Variants in DLG2 observed in about 807,000 individuals in gnomAD.
DLG2 encodes discs large MAGUK scaffold protein 2, also known as disks large homolog 2.
In DLG2, 45 loss-of-function variants were observed where a neutral mutation model predicts 132.5. That is an observed-to-expected ratio of 0.34 (90% CI 0.27 to 0.44). The LOEUF is 0.44. Among genes scored for constraint, DLG2 ranks in the 20% least tolerant of loss-of-function variants. The pLI is 1.00. For missense variants in DLG2, 1,045 were observed against 1,196.9 expected (o/e 0.87, Z 1.87); for synonymous variants, 424 against 419.6 (o/e 1.01, Z -0.13).
intron 7 of DLG2, among the ~76,000 whole-genome samples, chr11:84,341,625 A>T (rs1188812903): frequency 6.6e-6 from 1 of 152,234 alleles, no homozygotes. Flanking sequence ...TCACTGCATA[A>T]CAAGACAATG....
In DLG2 at chr11:84,059,342, C is replaced by T. The variant is rs773631287; in HGVS notation, c.892G>A (p.Glu298Lys). The T allele has an allele frequency of 6.8e-6, 11 of 1,613,412 alleles. No homozygotes were observed. The African/African-American group carries it at 8.0e-5, about 12-fold the overall frequency. The change falls in exon 11 of 28, where the codon GAA (glutamate) becomes AAA (lysine). Residue 298 changes from glutamate (E) to lysine (K), a missense_variant. By Grantham distance (56) the Glu-to-Lys change is moderately conservative. Around this residue, in one of 4 missense-constraint regions of DLG2, gnomAD observed 109 missense variants for 159.1 expected, o/e 0.69. Transcript: ENST00000376104. ...RRRPILETVVEIKLFKGPKGL... is the reference protein window; with the variant it reads ...RRRPILETVVKIKLFKGPKGL... ...TTAGGGCCTTTGAACAGTTTGATTT[C>T]CACAACGGTCTCCAAAATAGGTCGT...
At chr11:84,762,045 C>T (rs2067701768) in intron 6 of DLG2, 1 of 151,934 alleles carries the variant, frequency 6.6e-6, no homozygotes, top group African/African-American at 2.4e-5. Flanking sequence ...TTGATCTAAA[C>T]ATAGCTGGGT....
At chr11:83,788,553 G>C (rs932364311) in intron 17 of DLG2, among the ~76,000 whole-genome samples, 14 of 152,312 alleles carry the variant, frequency 9.2e-5, no homozygotes, top group African/African-American at 3.4e-4. Flanking sequence ...ATTCTTGCTA[G>C]ATATAGTCAT....
intron 6 of DLG2, among the ~76,000 whole-genome samples, chr11:84,757,089 C>A (rs1209168984): frequency 6.6e-6 from 1 of 152,116 alleles, no homozygotes; most frequent in East Asian, 1.9e-4. Flanking sequence ...ATGGGCAAAT[C>A]TTTCTCTACT....
Position 83,532,701 on chromosome 11 carries a change from T to C in DLG2, c.2193+7A>G, listed in dbSNP as rs1396162691. On this transcript the variant is annotated splice_region_variant and intron_variant, in intron 21 of 27. Transcript: ENST00000376104. ...AGAACTTGATGTTTCCATCATTTTGTACCTACCCCTTTCGAATCAATCACT... is the reference window on the plus strand; with the variant it reads ...AGAACTTGATGTTTCCATCATTTTGCACCTACCCCTTTCGAATCAATCACT... 1.2e-6 allele frequency: 2 copies of C among 1,612,600 alleles called. No homozygotes were observed. Among genetic ancestry groups the C allele is most frequent in the South Asian group, 1.1e-5 (1 of 90,978 alleles).
At chr11:84,120,596 G>A (rs528507227) in intron 9 of DLG2, among the ~76,000 whole-genome samples, 1 of 152,152 alleles carries the variant, frequency 6.6e-6, no homozygotes, top group Non-Finnish European at 1.5e-5. Flanking sequence ...AAAGAGACTG[G>A]ATGACAGACA....
intron 3 of DLG2, among the ~76,000 whole-genome samples, chr11:85,467,026 A>G (rs1012242081): frequency 5.9e-5 from 9 of 152,152 alleles, no homozygotes; most frequent in African/African-American, 1.9e-4. Flanking sequence ...GGTCCTTCAA[A>G]TCCCTTGTAA....
chr11:84,266,089 C>T (rs1348081319), intron 7 of DLG2, among the ~76,000 whole-genome samples: 2 of 152,010 alleles, frequency 1.3e-5, no homozygotes, highest in Admixed American at 1.3e-4. Flanking sequence ...TATATCAGTG[C>T]TAATACTCCA....
intron 12 of DLG2, among the ~76,000 whole-genome samples, chr11:83,967,321 A>G (rs2090431843): frequency 6.6e-6 from 1 of 152,050 alleles, no homozygotes; most frequent in East Asian, 1.9e-4. Flanking sequence ...ACTGTTTTCC[A>G]TAATGGCTAC....
intron 6 of DLG2, among the ~76,000 whole-genome samples, chr11:84,897,193 T>C (rs2154068094): frequency 6.6e-6 from 1 of 151,998 alleles, no homozygotes; most frequent in Admixed American, 6.6e-5. Context: ...TGTCTGTTTC[T>C]GAACTTTATG....
chr11:85,278,211 A>G (rs1192240484), intron 4 of DLG2, among the ~76,000 whole-genome samples: 1 of 152,232 alleles, frequency 6.6e-6, no homozygotes, highest in Non-Finnish European at 1.5e-5. Flanking sequence ...TTTGATGAAG[A>G]CATTTAACTT....
intron 21 of DLG2, among the ~76,000 whole-genome samples, chr11:83,507,468 CCT>C (rs1491275764): frequency 8.8e-6 from 1 of 114,238 alleles, no homozygotes; most frequent in East Asian, 2.7e-4. Flanking sequence ...ATATATATAC[CCT>C]ATATATATAT....
At chr11:83,800,015 C>T (rs1239184491) in intron 17 of DLG2, among the ~76,000 whole-genome samples, 1 of 152,072 alleles carries the variant, frequency 6.6e-6, no homozygotes, top group Non-Finnish European at 1.5e-5. Context: ...TAGAACAGTG[C>T]CTGGCATCTA....
At chr11:83,494,817 G>T (rs1045892522) in intron 21 of DLG2, among the ~76,000 whole-genome samples, 1 of 151,994 alleles carries the variant, frequency 6.6e-6, no homozygotes, top group Non-Finnish European at 1.5e-5. Context: ...GAATTTTATT[G>T]CAAGGATACT....
At chr11:84,627,076 G>C (rs1220577589) in intron 6 of DLG2, among the ~76,000 whole-genome samples, 1 of 151,910 alleles carries the variant, frequency 6.6e-6, no homozygotes, top group Non-Finnish European at 1.5e-5. Context: ...TTGCCATGTT[G>C]GCCAGGCTGG....
At chr11:83,468,230 G>A (rs558618683) in intron 25 of DLG2, among the ~76,000 whole-genome samples, 1 of 152,272 alleles carries the variant, frequency 6.6e-6, no homozygotes, top group Non-Finnish European at 1.5e-5. Context: ...AATACTTGAA[G>A]TCTTCTTATC....
At chr11:84,057,075 T>C (rs1439706167) in intron 11 of DLG2, among the ~76,000 whole-genome samples, 1 of 152,144 alleles carries the variant, frequency 6.6e-6, no homozygotes, top group Non-Finnish European at 1.5e-5. Flanking sequence ...AGTTGATTAA[T>C]ACTCACTTCT....
chr11:85,223,980 T>A, intron 4 of DLG2, among the ~76,000 whole-genome samples: 1 of 151,914 alleles, frequency 6.6e-6, no homozygotes, highest in East Asian at 1.9e-4. Flanking sequence ...ATTTCTACTT[T>A]AAAAAAAAGG....
chr11:84,870,835 T>C (rs1008047668), intron 6 of DLG2, among the ~76,000 whole-genome samples: 1 of 152,218 alleles, frequency 6.6e-6, no homozygotes, highest in African/African-American at 2.4e-5. Flanking sequence ...GACATGCCCA[T>C]GACAGAAGAG....
Sources: allele counts gnomAD v4.1 joint callset (sites outside exome capture counted in the v4.1 genomes callset), GRCh38; gene constraint gnomAD v4.1.1; regional missense constraint gnomAD v4.1.1; transcripts MANE v1.5; gene names NCBI Gene and HGNC (gene_info 2026-07-23, HGNC 2026-07-21).